RAPGEF4: variants seen among roughly 807,000 people sequenced by gnomAD.
The protein encoded by RAPGEF4 is RAP guanine-nucleotide-exchange factor (GEF) 4.
RAPGEF4 carries 66 observed loss-of-function variants against 147.9 expected under a neutral mutation model. The observed-to-expected ratio is 0.45, with a 90% CI of 0.37 to 0.55. RAPGEF4 has a LOEUF of 0.55. RAPGEF4 is among the 20% of genes least tolerant of loss of function. RAPGEF4 has a pLI of 0.00. For missense variants in RAPGEF4, 1,071 were observed against 1,257.3 expected, an observed-to-expected ratio of 0.85 and a Z score of 2.24; for synonymous variants, 419 against 442.7, an observed-to-expected ratio of 0.95 and a Z score of 0.67.
chr2:172,836,392 C>T (rs1046118144), intron 4 of RAPGEF4, among the ~76,000 whole-genome samples: 2 of 152,230 alleles, frequency 1.3e-5, no homozygotes, highest in Non-Finnish European at 1.5e-5. Flanking sequence ...AACTCAACTT[C>T]GTTGTAGCTC....
chr2:173,030,079 ATGAC>A (rs769741796), intron 25 of RAPGEF4, 81 bp from the exon 26 acceptor site: 2 of 890,596 alleles, frequency 2.2e-6, no homozygotes, highest in Non-Finnish European at 3.7e-6. Context: ...ACAAATATTA[ATGAC>A]TATCAGAAAA....
In RAPGEF4 at chr2:173,016,366, A is replaced by G; in HGVS notation, c.1827A>G (p.Val609=). 1 of 1,613,384 alleles carries G rather than the reference A, an allele frequency of 6.2e-7. No homozygotes were observed. The highest frequency in any genetic ancestry group is 8.5e-7 in the Non-Finnish European group (1 of 1,179,320). ...MAFLEEFYVS[V]SDDARMIAAL... is the part of the protein sequence containing the mutation. Reference sequence around the variant, plus strand: ...AATTACAGGAGTTTTATGTATCTGTATCAGATGATGCCCGGATGATTGCTG... The same window carrying G: ...AATTACAGGAGTTTTATGTATCTGTGTCAGATGATGCCCGGATGATTGCTG... Residue 609 remains valine (V), a synonymous_variant, in exon 19 of 31, where the codon GTA becomes GTG. Coordinates refer to ENST00000397081, the MANE Select transcript of RAPGEF4 (RefSeq NM_007023.4).
chr2:172,944,312 G>A (rs1358156821), intron 6 of RAPGEF4, among the ~76,000 whole-genome samples: 1 of 152,206 alleles, frequency 6.6e-6, no homozygotes, highest in Non-Finnish European at 1.5e-5. Context: ...GTCTTTGTTT[G>A]GAAGAGATTT....
At chr2:172,755,733 G>C (rs187461463) in intron 1 of RAPGEF4, among the ~76,000 whole-genome samples, 1 of 152,248 alleles carries the variant, frequency 6.6e-6, no homozygotes, top group Admixed American at 6.5e-5. Context: ...TAGAGTCACA[G>C]GAAGTTGCAA....
At chr2:172,947,102 G>A (rs1330836681) in intron 6 of RAPGEF4, among the ~76,000 whole-genome samples, 1 of 152,178 alleles carries the variant, frequency 6.6e-6, no homozygotes, top group Non-Finnish European at 1.5e-5. Context: ...TGACAACTGT[G>A]TGTTGTTAAG....
At chr2:172,818,962 A>G (rs3769306) in intron 4 of RAPGEF4, among the ~76,000 whole-genome samples, 12,256 of 152,274 alleles carry the variant, frequency 0.08, 642 homozygotes, top group East Asian at 0.23. Flanking sequence ...GGCAACACTC[A>G]GAGTATTTTT....
intron 30 of RAPGEF4, among the ~76,000 whole-genome samples, chr2:173,049,599 C>G (rs1312933971): frequency 1.3e-5 from 2 of 152,172 alleles, no homozygotes; most frequent in East Asian, 3.8e-4. Flanking sequence ...GCAGGACTGG[C>G]TCATGGCCAG....
rs569343402 is a variant in RAPGEF4 at position 173,025,469 on chromosome 2, G to T, written c.2254-1103G>T. ...TTTATTTTATTTTTTTGGAGATGGA[G>T]TCTCATTCTGTCGCCCAGGCTGGGG... On this transcript the variant is annotated intron_variant, in intron 23 of 30. Transcript: ENST00000397081. Among the ~76,000 whole-genome samples, 12 of 152,282 alleles carry T rather than the reference G, an allele frequency of 7.9e-5. 1 individual carries two copies. The South Asian group carries it at 2.3e-3, about 29-fold the overall frequency.
intron 4 of RAPGEF4, among the ~76,000 whole-genome samples, chr2:172,909,869 C>T (rs190632270): frequency 6.6e-6 from 1 of 152,116 alleles, no homozygotes; most frequent in Non-Finnish European, 1.5e-5. Context: ...ACCAATAAGG[C>T]CTACTAGAAG....
chr2:173,018,830 T>C (rs779160645), intron 22 of RAPGEF4, 28 bp downstream of exon 22: 2 of 1,604,756 alleles, frequency 1.2e-6, no homozygotes, highest in East Asian at 4.5e-5. Flanking sequence ...TATTTTAGGC[T>C]CTGCAAAATG....
chr2:172,932,406 G>A (rs866362705), intron 6 of RAPGEF4, among the ~76,000 whole-genome samples: 29 of 152,182 alleles, frequency 1.9e-4, no homozygotes, highest in Middle Eastern at 6.8e-3. Context: ...CAAGGAATGG[G>A]GCTGTTAATC....
At chr2:172,872,217 T>C (rs1243024822) in intron 4 of RAPGEF4, among the ~76,000 whole-genome samples, 1 of 152,226 alleles carries the variant, frequency 6.6e-6, no homozygotes, top group Non-Finnish European at 1.5e-5. Flanking sequence ...TTGTTAATGG[T>C]TCTTTACTAG....
chr2:172,863,752 A>G (rs1280948219), intron 4 of RAPGEF4, among the ~76,000 whole-genome samples: 1 of 152,216 alleles, frequency 6.6e-6, no homozygotes, highest in Non-Finnish European at 1.5e-5. Flanking sequence ...GTTTTCCACA[A>G]GTTCATTTGC....
intron 30 of RAPGEF4, among the ~76,000 whole-genome samples, chr2:173,049,159 A>G (rs1213081077): frequency 6.6e-6 from 1 of 152,252 alleles, no homozygotes; most frequent in East Asian, 1.9e-4. Context: ...TTATATTTCT[A>G]GTATTCCCAC....
intron 1 of RAPGEF4, among the ~76,000 whole-genome samples, chr2:172,792,557 G>A (rs1169181196): frequency 6.6e-6 from 1 of 152,164 alleles, no homozygotes; most frequent in Non-Finnish European, 1.5e-5. Flanking sequence ...GGGAGGCCAG[G>A]GAGGTTGTGG....
chr2:172,873,111 A>T (rs1245012010), intron 4 of RAPGEF4, among the ~76,000 whole-genome samples: 2 of 152,172 alleles, frequency 1.3e-5, no homozygotes, highest in Non-Finnish European at 2.9e-5. Flanking sequence ...ATTGAATACA[A>T]AGTCCAATAA....
intron 12 of RAPGEF4, among the ~76,000 whole-genome samples, chr2:172,986,284 A>G (rs1446396255): frequency 6.6e-6 from 1 of 152,240 alleles, no homozygotes; most frequent in Admixed American, 6.5e-5. Context: ...ATACTTCCTG[A>G]GCCTAATGAC....
intron 25 of RAPGEF4, among the ~76,000 whole-genome samples, chr2:173,028,544 C>G (rs115623411): frequency 6.6e-6 from 1 of 152,186 alleles, no homozygotes; most frequent in Non-Finnish European, 1.5e-5. Flanking sequence ...TTCAGAACAC[C>G]CAGGACTTTT....
chr2:172,816,091 A>G lies in RAPGEF4; in HGVS notation c.444+1666A>G, dbSNP rs531642809. On this transcript the variant is annotated intron_variant, in intron 4 of 30. Transcript: ENST00000397081. ...CTTAGAATATCCTGTTACATACCCT[A>G]ATGCCATTATCTCACCTATAAAACA... Among the ~76,000 whole-genome samples the G allele has an allele frequency of 2.6e-5, 4 of 152,244 alleles. 1 individual carries two copies. Among genetic ancestry groups the G allele is most frequent in the African/African-American group, 9.6e-5 (4 of 41,544 alleles).
Sources: gnomAD v4.1 joint callset for allele counts (sites outside exome capture counted in the v4.1 genomes callset) on GRCh38, gnomAD v4.1.1 for gene constraint, MANE v1.5 for transcripts, NCBI Gene and HGNC (gene_info 2026-07-23, HGNC 2026-07-21) for gene names.